The following MDGA2 variants were observed in gnomAD, a reference collection of about 807,000 sequenced individuals.
MDGA2 encodes MAM domain containing glycosylphosphatidylinositol anchor 2.
MDGA2 carries 40 observed loss-of-function variants against 117.8 expected under a neutral mutation model. The observed-to-expected ratio is 0.34, with a 90% CI of 0.26 to 0.44. The LOEUF is 0.44. MDGA2 is among the 20% of genes least tolerant of loss of function. MDGA2 has a pLI of 1.00. For synonymous variants in MDGA2, 452 were observed against 439.0 expected, an observed-to-expected ratio of 1.03 and a Z score of -0.37; for missense variants, 1,123 against 1,250.6, an observed-to-expected ratio of 0.90 and a Z score of 1.54.
intron 3 of MDGA2, among the ~76,000 whole-genome samples, chr14:47,191,880 C>A (rs1405442121): frequency 1.3e-5 from 2 of 152,008 alleles, no homozygotes; most frequent in African/African-American, 2.4e-5. Flanking sequence ...GGAGGGAATA[C>A]CAAGGCAGAA....
intron 1 of MDGA2, among the ~76,000 whole-genome samples, chr14:47,590,405 G>A (rs1316822626): frequency 6.6e-6 from 1 of 151,770 alleles, no homozygotes; most frequent in Admixed American, 6.6e-5. Flanking sequence ...ATTTGACAAA[G>A]TAAGACACAT....
intron 10 of MDGA2, among the ~76,000 whole-genome samples, chr14:46,917,975 T>C (rs144219399): frequency 6.6e-6 from 1 of 152,182 alleles, no homozygotes; most frequent in African/African-American, 2.4e-5. Flanking sequence ...TTGATTTGCA[T>C]CCACAACACA....
chr14:47,093,360 T>C (rs1026887368), intron 6 of MDGA2, among the ~76,000 whole-genome samples: 4 of 152,142 alleles, frequency 2.6e-5, no homozygotes, highest in African/African-American at 9.6e-5. Flanking sequence ...CCATACATGT[T>C]CAACACAGTG....
At chr14:47,394,444 G>A (rs1332551016) in intron 1 of MDGA2, among the ~76,000 whole-genome samples, 1 of 152,056 alleles carries the variant, frequency 6.6e-6, no homozygotes, top group Admixed American at 6.6e-5. Context: ...AACCTCAACT[G>A]TGATAGCAAT....
chr14:47,303,275 C>T (rs1183224795), intron 1 of MDGA2, among the ~76,000 whole-genome samples: 1 of 152,034 alleles, frequency 6.6e-6, no homozygotes, highest in East Asian at 1.9e-4. Flanking sequence ...ATATCCTTTT[C>T]CTTTGTCTTT....
intron 2 of MDGA2, among the ~76,000 whole-genome samples, chr14:47,227,018 T>C (rs1443707172): frequency 6.6e-6 from 1 of 152,154 alleles, no homozygotes; most frequent in Non-Finnish European, 1.5e-5. Context: ...TAAAGCTCTA[T>C]TATGTCCTGC....
At chr14:47,372,302 T>C (rs758487230) in intron 1 of MDGA2, among the ~76,000 whole-genome samples, 4 of 151,666 alleles carry the variant, frequency 2.6e-5, no homozygotes, top group Non-Finnish European at 5.9e-5. Flanking sequence ...AAAAATCAAG[T>C]GATAAAATAT....
chr14:47,496,958 G>A (rs1382691721), intron 1 of MDGA2, among the ~76,000 whole-genome samples: 2 of 151,872 alleles, frequency 1.3e-5, no homozygotes, highest in Non-Finnish European at 2.9e-5. Context: ...TAAGGAGCAG[G>A]CAAATTAGAC....
chr14:47,005,851 T>C (rs141896626), intron 8 of MDGA2, among the ~76,000 whole-genome samples: 1 of 151,802 alleles, frequency 6.6e-6, no homozygotes, highest in East Asian at 1.9e-4. Context: ...TGATTGTATG[T>C]TTTATAAGCC....
At chr14:47,061,720 G>A in intron 6 of MDGA2, 142 bp from the exon 7 acceptor site, 1 of 674,194 alleles carries the variant, frequency 1.5e-6, no homozygotes, top group Non-Finnish European at 2.4e-6. Context: ...TCCAAGTTGT[G>A]TGTACATCAA....
intron 1 of MDGA2, among the ~76,000 whole-genome samples, chr14:47,451,338 T>C (rs977655328): frequency 2.7e-5 from 4 of 148,278 alleles, no homozygotes; most frequent in African/African-American, 7.5e-5. Context: ...CATAAATAGA[T>C]TTGAATGGAA....
chr14:46,985,472 T>C (rs1594495425), intron 8 of MDGA2, among the ~76,000 whole-genome samples: 1 of 152,060 alleles, frequency 6.6e-6, no homozygotes, highest in African/African-American at 2.4e-5. Context: ...GCTGAATTGC[T>C]TTATCAATTT....
chr14:47,457,086 G>C (rs1893370750), intron 1 of MDGA2, among the ~76,000 whole-genome samples: 1 of 152,120 alleles, frequency 6.6e-6, no homozygotes, highest in Admixed American at 6.6e-5. Flanking sequence ...AACACACACA[G>C]TCAAAAGGTC....
chr14:47,530,489 C>A (rs1895073854), intron 1 of MDGA2, among the ~76,000 whole-genome samples: 1 of 152,148 alleles, frequency 6.6e-6, no homozygotes, highest in South Asian at 2.1e-4. Context: ...TACTGTACTT[C>A]TGCATACAGA....
intron 1 of MDGA2, among the ~76,000 whole-genome samples, chr14:47,512,012 A>G (rs1894652139): frequency 6.6e-6 from 1 of 152,166 alleles, no homozygotes; most frequent in African/African-American, 2.4e-5. Flanking sequence ...CCTAAGCACA[A>G]TAACCCACAA....
At chr14:47,349,583 A>C (rs571979961) in intron 1 of MDGA2, among the ~76,000 whole-genome samples, 2 of 152,342 alleles carry the variant, frequency 1.3e-5, no homozygotes, top group Non-Finnish European at 2.9e-5. Flanking sequence ...CTTTGGCACA[A>C]AGCCTTTTTT....
intron 1 of MDGA2, among the ~76,000 whole-genome samples, chr14:47,373,294 A>G (rs1446851651): frequency 6.6e-6 from 1 of 152,100 alleles, no homozygotes; most frequent in Non-Finnish European, 1.5e-5. Context: ...AAATCCCAAT[A>G]TATCACTTTA....
chr14:47,342,455 G>A (rs527556708), intron 1 of MDGA2, among the ~76,000 whole-genome samples: 13 of 151,890 alleles, frequency 8.6e-5, no homozygotes, highest in Admixed American at 3.3e-4. Flanking sequence ...AGATTCAAAC[G>A]TTAGTATCTC....
chr14:47,180,807 G>C (rs1314049011), intron 3 of MDGA2, among the ~76,000 whole-genome samples: 12 of 152,112 alleles, frequency 7.9e-5, no homozygotes, highest in Admixed American at 7.9e-4. Flanking sequence ...TGTAGTCCCA[G>C]CAACTAGGGA....
Sources: gnomAD v4.1 joint callset for allele counts (sites outside exome capture counted in the v4.1 genomes callset) on GRCh38, gnomAD v4.1.1 for gene constraint, MANE v1.5 for transcripts, NCBI Gene and HGNC (gene_info 2026-07-23, HGNC 2026-07-21) for gene names.